The following CRIM1 variants were observed in gnomAD, a reference collection of about 807,000 sequenced individuals.
The protein encoded by CRIM1 is cysteine-rich motor neuron 1 protein.
Under a neutral mutation model 116.4 loss-of-function variants are expected in CRIM1, and 32 were observed. That is an observed-to-expected ratio of 0.27 (90% CI 0.21 to 0.37). CRIM1 has a LOEUF of 0.37. Among genes scored for constraint, CRIM1 ranks in the 10% least tolerant of loss-of-function variants. The pLI is 1.00. For synonymous variants in CRIM1, 590 were observed against 509.2 expected, an observed-to-expected ratio of 1.16 and a Z score of -2.13; for missense variants, 1,331 against 1,354.8, an observed-to-expected ratio of 0.98 and a Z score of 0.28.
intron 2 of CRIM1, among the ~76,000 whole-genome samples, chr2:36,413,840 G>A (rs1423903435): frequency 1.3e-5 from 2 of 152,076 alleles, no homozygotes; most frequent in Admixed American, 1.3e-4. Context: ...TATTTGGATG[G>A]GGGTGCTCTA....
chr2:36,544,430 G>C lies in CRIM1; in HGVS notation c.2678G>C (p.Gly893Ala). The change falls in exon 15 of 17, where the codon GGA becomes GCA. Residue 893 changes from glycine to alanine, a missense_variant. By Grantham distance (60) the Gly-to-Ala change is moderately conservative. Coordinates refer to ENST00000280527, the MANE Select transcript of CRIM1 (RefSeq NM_016441.3). ...CCCATTGAGAAGACAAACCATCGAG[G>C]AGAGGTTGACCTGGAGGTTCCCCTG... is the stretch of plus-strand genomic sequence containing the variant. ...NIPIEKTNHR[G>A]EVDLEVPLWP... The C allele has an allele frequency of 7.0e-7, 1 of 1,431,062 alleles. No homozygotes were observed. Among genetic ancestry groups the C allele is most frequent in the East Asian group, 2.7e-5 (1 of 37,226 alleles). 88.6% of individuals were successfully genotyped at this position (1,431,062 alleles called of 1,614,324 possible). A position where few individuals can be genotyped will look rare whatever the true frequency, so the allele number is the denominator to read the frequency against.
intron 2 of CRIM1, among the ~76,000 whole-genome samples, chr2:36,421,250 C>T (rs1276779387): frequency 6.6e-6 from 1 of 151,902 alleles, no homozygotes; most frequent in East Asian, 1.9e-4. Context: ...GTGCTTTTTC[C>T]TGATTAAATT....
intron 13 of CRIM1, among the ~76,000 whole-genome samples, chr2:36,535,032 G>A (rs906528445): frequency 1.3e-5 from 2 of 151,324 alleles, no homozygotes; most frequent in African/African-American, 4.9e-5. Flanking sequence ...GCAGTGTCCA[G>A]GCTCAGTCTA....
intron 2 of CRIM1, among the ~76,000 whole-genome samples, chr2:36,420,991 A>T (rs189221741): frequency 6.6e-6 from 1 of 152,310 alleles, no homozygotes; most frequent in East Asian, 1.9e-4. Context: ...CGTGGTGTTT[A>T]ACATTGGCAG....
intron 13 of CRIM1, among the ~76,000 whole-genome samples, chr2:36,535,743 A>T (rs142185738): frequency 1.4e-4 from 21 of 152,328 alleles, no homozygotes; most frequent in African/African-American, 3.1e-4. Context: ...GCCATTTATA[A>T]AGGTGCATAT....
At chr2:36,357,378 G>C (rs949290102) in intron 1 of CRIM1, among the ~76,000 whole-genome samples, 1 of 152,150 alleles carries the variant, frequency 6.6e-6, no homozygotes, top group African/African-American at 2.4e-5. Flanking sequence ...CTGTCGTGTT[G>C]CCGGTTCCTC....
chr2:36,505,217 T>C (rs148449543), intron 8 of CRIM1, among the ~76,000 whole-genome samples: 2 of 152,200 alleles, frequency 1.3e-5, no homozygotes, highest in Non-Finnish European at 2.9e-5. Context: ...ATAATAGGTT[T>C]GTAGGAATTG....
Position 36,356,522 on chromosome 2 carries a change from C to G in CRIM1, c.230C>G (p.Thr77Ser). 2 of 1,612,978 alleles carry G rather than the reference C, an allele frequency of 1.2e-6. No homozygotes were observed. The highest frequency in any genetic ancestry group is 1.7e-6 in the Non-Finnish European group (2 of 1,179,888). The change falls in exon 1 of 17, where the codon ACC (threonine) becomes AGC (serine). Residue 77 changes from threonine (T) to serine (S), a missense_variant. This residue lies in a region of CRIM1 where 690 missense variants were observed against 676.0 expected (regional missense o/e 1.02). Coordinates refer to ENST00000280527, the MANE Select transcript of CRIM1 (RefSeq NM_016441.3). This position sits in a 1 kb window ranked among gnomAD's most constrained non-coding sequence, Gnocchi z 4.3. ...CAGAGGAACGAGAGCTGCGGCGGCA[C>G]CTTCGGGATTTACGGAACCTGCGAC... ...ASQRNESCGG[T>S]FGIYGTCDRG... is the part of the protein sequence containing the mutation.
At chr2:36,360,813 A>T (rs1268109791) in intron 1 of CRIM1, among the ~76,000 whole-genome samples, 1 of 152,152 alleles carries the variant, frequency 6.6e-6, no homozygotes, top group African/African-American at 2.4e-5. Flanking sequence ...TTCACTCATT[A>T]AGTAACGGGA....
rs1668766782 is a variant in CRIM1, at chr2:36,355,962, C to A, written c.-331C>A. The A allele has an allele frequency of 6.6e-6, 1 of 151,696 alleles. No individual in the cohort carries two copies. Among genetic ancestry groups the A allele is most frequent in the Non-Finnish European group, 1.5e-5 (1 of 67,968 alleles). The allele number at this position is 151,696 out of a possible 1,614,324, so 9.4% of individuals were successfully genotyped here. On this transcript the variant is annotated 5_prime_UTR_variant, in exon 1 of 17. Transcript: ENST00000280527. ...GGGCTGGAGCCGAGCGCAGCAGCCA[C>A]CGCCGCCGCCGCGCCAGAAGTTTGG...
chr2:36,550,878 T>A lies in CRIM1; in HGVS notation c.*2177T>A, dbSNP rs1418220649. ...ATATTATGAAAATACTAACAGGATA[T>A]AGGACAAGGTGTAAATTTTTTTATT... On this transcript the variant is annotated 3_prime_UTR_variant, in exon 17 of 17. Coordinates refer to ENST00000280527, the MANE Select transcript of CRIM1 (RefSeq NM_016441.3). The A allele has an allele frequency of 6.6e-6, 1 of 152,542 alleles. No homozygotes were observed. The allele number at this position is 152,542 out of a possible 1,614,324, so 9.4% of individuals were successfully genotyped here.
At chr2:36,485,683 T>C (rs1448382779) in intron 7 of CRIM1, among the ~76,000 whole-genome samples, 1 of 152,214 alleles carries the variant, frequency 6.6e-6, no homozygotes, top group Non-Finnish European at 1.5e-5. Flanking sequence ...AAACATAGTT[T>C]GGCTGACCCC....
At chr2:36,403,049 A>C (rs1403017413) in intron 2 of CRIM1, among the ~76,000 whole-genome samples, 12 of 152,306 alleles carry the variant, frequency 7.9e-5, no homozygotes, top group Admixed American at 7.8e-4. Flanking sequence ...TTATAACCTC[A>C]TCAGGAGTTT....
At chr2:36,447,074 T>A (rs113539042) in intron 4 of CRIM1, among the ~76,000 whole-genome samples, 1,742 of 152,350 alleles carry the variant, frequency 0.011, 26 homozygotes, top group African/African-American at 0.038. Flanking sequence ...TGCCTTGCTG[T>A]TTATAAAGCA....
chr2:36,470,558 A>G (rs141916640), intron 5 of CRIM1, among the ~76,000 whole-genome samples: 2,068 of 152,316 alleles, frequency 0.014, 51 homozygotes, highest in African/African-American at 0.048. Flanking sequence ...ATGGAACAAC[A>G]AAGCCTGGAT....
chr2:36,443,888 T>C (rs553790061), intron 4 of CRIM1, among the ~76,000 whole-genome samples: 2 of 152,368 alleles, frequency 1.3e-5, no homozygotes, highest in South Asian at 4.1e-4. Context: ...TACTGTATTA[T>C]AAAACAGATG....
intron 8 of CRIM1, among the ~76,000 whole-genome samples, chr2:36,507,706 T>C (rs985738336): frequency 6.6e-6 from 1 of 152,252 alleles, no homozygotes; most frequent in African/African-American, 2.4e-5. Context: ...TCCATTCCAT[T>C]GCAAAGCAGA....
intron 1 of CRIM1, among the ~76,000 whole-genome samples, chr2:36,376,650 C>T (rs1277524430): frequency 2.6e-5 from 4 of 152,192 alleles, no homozygotes; most frequent in East Asian, 1.9e-4. Flanking sequence ...AGCTGCTTCA[C>T]GCTTTTACCT....
intron 8 of CRIM1, among the ~76,000 whole-genome samples, chr2:36,506,179 T>TCACA (rs1160271063): frequency 2.2e-5 from 2 of 91,680 alleles, no homozygotes; most frequent in African/African-American, 3.6e-5. Context: ...TCTCTCTCTC[T>TCACA]CTCACACACA....
Sources: gnomAD v4.1 joint callset for allele counts (sites outside exome capture counted in the v4.1 genomes callset) on GRCh38, gnomAD v4.1.1 for gene constraint, gnomAD v4.1.1 regional missense constraint, Gnocchi (gnomAD v3.1) non-coding constraint, MANE v1.5 for transcripts, NCBI Gene and HGNC (gene_info 2026-07-23, HGNC 2026-07-21) for gene names.